NLRP4: variants seen among roughly 807,000 people sequenced by gnomAD.
The protein encoded by NLRP4 is NLR family pyrin domain containing 4.
In NLRP4, 44 loss-of-function variants were observed where a neutral mutation model predicts 84.7. The ratio of observed to expected loss-of-function variants is 0.52; its 90% confidence interval spans 0.41 to 0.67. The LOEUF is 0.67. Ranked by LOEUF, NLRP4 falls within the 30% of genes least tolerant of loss-of-function variation. NLRP4 has a pLI of 0.00. For synonymous variants in NLRP4, 544 were observed against 476.4 expected (o/e 1.14, Z -1.85); for missense variants, 1,260 against 1,219.4 (o/e 1.03, Z -0.50).
intron 2 of NLRP4, among the ~76,000 whole-genome samples, chr19:55,853,893 C>CTCTT (rs1186930837): frequency 2.8e-5 from 4 of 144,556 alleles, no homozygotes; most frequent in African/African-American, 8.3e-5. Context: ...ATCTCTTTCT[C>CTCTT]TCTCTCTCTC....
chr19:55,868,878 T>C (rs1282624250), intron 6 of NLRP4, among the ~76,000 whole-genome samples: 1 of 152,110 alleles, frequency 6.6e-6, no homozygotes, highest in East Asian at 1.9e-4. Flanking sequence ...ATGAACAACA[T>C]GAAAGTAAGA....
At chr19:55,874,294 A>G (rs80332706) in intron 7 of NLRP4, among the ~76,000 whole-genome samples, 4,420 of 152,278 alleles carry the variant, frequency 0.029, 149 homozygotes, top group Middle Eastern at 0.11. Context: ...AAAAATTACT[A>G]ATGAGAGATT....
chr19:55,861,524 C>T lies in NLRP4; in HGVS notation c.1995C>T (p.Pro665=), dbSNP rs73060167. 1,721 of 1,614,114 alleles carry T rather than the reference C, an allele frequency of 1.1e-3. No homozygotes were observed. The highest frequency in any genetic ancestry group is 1.2e-3 in the Non-Finnish European group (1,394 of 1,179,992). ...FVTWCNQLRH[P]SCRLQKLGIN... is the part of the protein sequence containing the mutation. ...CCTGGTGTAACCAGCTGAGGCATCC[C>T]AGCTGTCGCCTTCAGAAGCTTGGGT... is the stretch of plus-strand genomic sequence containing the variant. Residue 665 remains proline (P), a synonymous_variant, in exon 4 of 10, where the codon CCC becomes CCT. Coordinates refer to ENST00000301295, the MANE Select transcript of NLRP4 (RefSeq NM_134444.5).
Position 55,859,021 on chromosome 19 carries a change from A to T in NLRP4, c.1628A>T (p.Asn543Ile). 1 of 1,614,114 alleles carries T rather than the reference A, an allele frequency of 6.2e-7. No homozygotes were observed. Among genetic ancestry groups the T allele is most frequent in the Non-Finnish European group, 8.5e-7 (1 of 1,180,020 alleles). ...CTGAAGAGCTTAGGGGAGCGTGGCA[A>T]TCCTCAGGGACAGGTGGATTCCTTG... ...QCLKSLGERGNPQGQVDSLAI... is the reference protein window; with the variant it reads ...QCLKSLGERGIPQGQVDSLAI... The change falls in exon 3 of 10, where the codon AAT (asparagine) becomes ATT (isoleucine). Residue 543 changes from asparagine to isoleucine, a missense_variant. Asn to Ile is a moderately radical substitution (Grantham distance 149). Coordinates refer to ENST00000301295, the MANE Select transcript of NLRP4 (RefSeq NM_134444.5).
Position 55,858,664 on chromosome 19 carries a change from T to C in NLRP4, c.1271T>C (p.Val424Ala). Residue 424 changes from valine to alanine, a missense_variant, in exon 3 of 10, where the codon GTT becomes GCT. By Grantham distance (64) the Val-to-Ala change is moderately conservative (BLOSUM62 0). Transcript: ENST00000301295. This position sits in a 1 kb window ranked among gnomAD's most constrained non-coding sequence, Gnocchi z 4.2. Reference protein sequence around the residue: ...FCEDDLRRNGVVDADIPALLG... With the variant: ...FCEDDLRRNGAVDADIPALLG... ...GAAGACGACCTCCGGAGAAATGGGG[T>C]TGTTGACGCTGACATCCCTGCGCTG... 6.2e-7 allele frequency: 1 copy of C among 1,613,538 alleles called. No homozygotes were observed. Among genetic ancestry groups the C allele is most frequent in the Non-Finnish European group, 8.5e-7 (1 of 1,179,834 alleles).
rs775042848 is a variant in NLRP4, at chr19:55,870,897, G to A, written c.2425G>A (p.Val809Met). The change falls in exon 7 of 10, where the codon GTG becomes ATG. Residue 809 changes from valine to methionine, a missense_variant. By Grantham distance (21) the Val-to-Met change is conservative (BLOSUM62 1). This residue lies in a region of NLRP4 where 544 missense variants were observed against 531.7 expected (regional missense o/e 1.02). Coordinates refer to ENST00000301295, the MANE Select transcript of NLRP4 (RefSeq NM_134444.5). ...TGAAATGCTTCTGCGTAACAAGAGCGTGCGCTATCTAGACCTCAGTGCCAA... is the reference window on the plus strand; with the variant it reads ...TGAAATGCTTCTGCGTAACAAGAGCATGCGCTATCTAGACCTCAGTGCCAA... Reference protein sequence around the residue: ...ISEMLLRNKSVRYLDLSANVL... With the variant: ...ISEMLLRNKSMRYLDLSANVL... 42 of 1,613,856 alleles carry A rather than the reference G, an allele frequency of 2.6e-5. 1 individual carries two copies. Among genetic ancestry groups the A allele is most frequent in the Admixed American group, 5.0e-5 (3 of 59,996 alleles).
intron 1 of NLRP4, among the ~76,000 whole-genome samples, chr19:55,848,970 T>C (rs1983912094): frequency 6.6e-6 from 1 of 152,158 alleles, no homozygotes. Context: ...AGATGTGCCT[T>C]TTGCCTTCCC....
chr19:55,869,813 G>A (rs542496159), intron 6 of NLRP4, among the ~76,000 whole-genome samples: 331 of 152,092 alleles, frequency 2.2e-3, no homozygotes, highest in African/African-American at 7.8e-3. Flanking sequence ...AACTGGCTGG[G>A]ATTGGAGGCT....
In NLRP4 at chr19:55,867,745, A is replaced by G; in HGVS notation, c.2223A>G (p.Glu741=). The G allele has an allele frequency of 6.2e-7, 1 of 1,614,114 alleles. No individual in the cohort carries two copies. The highest frequency in any genetic ancestry group is 8.5e-7 in the Non-Finnish European group (1 of 1,179,966). The part of the protein sequence containing the change: ...VNCHLSPIDC[E]VLAGLLTNNK... The stretch of plus-strand genomic sequence containing the variant: ...GTCACCTCTCACCCATTGATTGTGA[A>G]GTCCTTGCTGGCCTTCTAACCAACA... Residue 741 remains glutamate (E), a synonymous_variant, in exon 6 of 10, where the codon GAA becomes GAG. Transcript: ENST00000301295.
At chr19:55,853,021 A>T (rs773502264) in intron 2 of NLRP4, among the ~76,000 whole-genome samples, 27 of 152,346 alleles carry the variant, frequency 1.8e-4, no homozygotes, top group Non-Finnish European at 2.9e-4. Flanking sequence ...GGATACAGTG[A>T]ACTGAGGTTG....
intron 1 of NLRP4, among the ~76,000 whole-genome samples, chr19:55,846,801 T>A (rs1449536796): frequency 1.3e-5 from 2 of 152,110 alleles, no homozygotes; most frequent in Non-Finnish European, 1.5e-5. Flanking sequence ...TAATTAAGAT[T>A]TTACTAAAAG....
rs771287975 is a variant in NLRP4 at position 55,858,346 on chromosome 19, C to T, written c.953C>T (p.Pro318Leu). The T allele has an allele frequency of 2.7e-5, 43 of 1,613,962 alleles. No homozygotes were observed. The highest frequency in any genetic ancestry group is 1.9e-4 in the African/African-American group (14 of 74,888). The change falls in exon 3 of 10, where the codon CCG (proline) becomes CTG (leucine). Residue 318 changes from proline (P) to leucine (L), a missense_variant. This residue lies in a region of NLRP4 where 712 missense variants were observed against 669.2 expected (regional missense o/e 1.06). Coordinates refer to ENST00000301295, the MANE Select transcript of NLRP4 (RefSeq NM_134444.5). This position sits in a 1 kb window ranked among gnomAD's most constrained non-coding sequence, Gnocchi z 4.2. Reference sequence around the variant, plus strand: ...TATTTCTGCTGTTTCTTCAAAGACCCGAAAAGAGCCATGGAAGCCTTCAAT... The same window carrying T: ...TATTTCTGCTGTTTCTTCAAAGACCTGAAAAGAGCCATGGAAGCCTTCAAT... ...LVYFCCFFKD[P>L]KRAMEAFNLV... is the part of the protein sequence containing the mutation.
At chr19:55,863,808 T>C (rs1386732525) in intron 5 of NLRP4, among the ~76,000 whole-genome samples, 1 of 152,204 alleles carries the variant, frequency 6.6e-6, no homozygotes, top group African/African-American at 2.4e-5. Context: ...AACCATTGTG[T>C]GTACTTTCCA....
At chr19:55,842,755 C>G (rs1983658157) in intron 1 of NLRP4, among the ~76,000 whole-genome samples, 1 of 151,068 alleles carries the variant, frequency 6.6e-6, no homozygotes. Context: ...ACTTTTATTT[C>G]TTTTTATTTT....
intron 6 of NLRP4, among the ~76,000 whole-genome samples, chr19:55,868,189 A>G (rs549437725): frequency 2.5e-4 from 38 of 152,356 alleles, no homozygotes; most frequent in Non-Finnish European, 5.3e-4. Context: ...CCTGCAACAC[A>G]CATGGTACTT....
At position 55,858,674 on chromosome 19, in the gene NLRP4, T is replaced by C; in HGVS notation, c.1281T>C (p.Ala427=). The change falls in exon 3 of 10, where the codon GCT becomes GCC. Residue 427 remains alanine, a synonymous_variant. Transcript: ENST00000301295. This position sits in a 1 kb window ranked among gnomAD's most constrained non-coding sequence, Gnocchi z 4.2. ...TCCGGAGAAATGGGGTTGTTGACGC[T>C]GACATCCCTGCGCTGCTGGGCACCA... ...DDLRRNGVVD[A]DIPALLGTKI... is the part of the protein sequence containing the mutation. 6 of 1,614,164 alleles carry C rather than the reference T, an allele frequency of 3.7e-6. No individual in the cohort carries two copies. Among genetic ancestry groups the C allele is most frequent in the Non-Finnish European group, 5.1e-6 (6 of 1,180,002 alleles).
At chr19:55,850,025 ATTT>A (rs1983993512) in intron 1 of NLRP4, among the ~76,000 whole-genome samples, 1 of 144,638 alleles carries the variant, frequency 6.9e-6, no homozygotes, top group Non-Finnish European at 1.5e-5. Context: ...CTGCGGTGTG[ATTT>A]CCGAGACTGC....
intron 6 of NLRP4, among the ~76,000 whole-genome samples, chr19:55,869,370 A>AC (rs1985084793): frequency 8.8e-6 from 1 of 113,552 alleles, no homozygotes; most frequent in African/African-American, 3.2e-5. Flanking sequence ...TCAAAAAAAA[A>AC]CAAAAAATAA....
intron 3 of NLRP4, among the ~76,000 whole-genome samples, chr19:55,859,584 C>T (rs1019358602): frequency 1.3e-5 from 2 of 152,128 alleles, no homozygotes; most frequent in African/African-American, 4.8e-5. Context: ...GCACCACACT[C>T]CCTGTGTCTT....
Sources: gnomAD v4.1 joint callset for allele counts (sites outside exome capture counted in the v4.1 genomes callset) on GRCh38, gnomAD v4.1.1 for gene constraint, gnomAD v4.1.1 regional missense constraint, Gnocchi (gnomAD v3.1) non-coding constraint, MANE v1.5 for transcripts, NCBI Gene and HGNC (gene_info 2026-07-23, HGNC 2026-07-21) for gene names.